MDFIC: variants seen among roughly 807,000 people sequenced by gnomAD.
MDFIC encodes the protein myoD family inhibitor domain-containing protein.
MDFIC carries 17 observed loss-of-function variants against 23.2 expected under a neutral mutation model. The observed-to-expected ratio is 0.73, with a 90% CI of 0.50 to 1.10. MDFIC has a LOEUF of 1.10. MDFIC is among the 50% of genes least tolerant of loss of function. The pLI is 0.00. For missense variants in MDFIC, 356 were observed against 316.6 expected (o/e 1.12, Z -0.95); for synonymous variants, 120 against 115.2 (o/e 1.04, Z -0.27).
intron 3 of MDFIC, among the ~76,000 whole-genome samples, chr7:114,951,854 A>T (rs1792780358): frequency 6.6e-6 from 1 of 152,178 alleles, no homozygotes; most frequent in South Asian, 2.1e-4. Context: ...CAGGTTCTGT[A>T]GGAGATAGAA....
At chr7:115,006,840 A>G (rs374489121) in intron 4 of MDFIC, among the ~76,000 whole-genome samples, 2 of 152,174 alleles carry the variant, frequency 1.3e-5, no homozygotes, top group Admixed American at 1.3e-4. Context: ...CAGAAATTAT[A>G]TTCACCTTTG....
At chr7:114,990,965 A>G (rs1218265077) in intron 4 of MDFIC, among the ~76,000 whole-genome samples, 1 of 151,852 alleles carries the variant, frequency 6.6e-6, no homozygotes, top group Non-Finnish European at 1.5e-5. Flanking sequence ...AGTCCCACCA[A>G]CAGTGTAAAA....
At chr7:114,926,185 C>G (rs534919654) in intron 2 of MDFIC, among the ~76,000 whole-genome samples, 2 of 152,210 alleles carry the variant, frequency 1.3e-5, no homozygotes, top group East Asian at 3.9e-4. Context: ...ATCCAAAGAG[C>G]CTTTGAATTA....
At chr7:114,953,529 C>G (rs182268064) in intron 3 of MDFIC, among the ~76,000 whole-genome samples, 41 of 152,262 alleles carry the variant, frequency 2.7e-4, no homozygotes, top group South Asian at 1.0e-3. Context: ...TATATTAATT[C>G]CCAGGTGTCA....
intron 2 of MDFIC, among the ~76,000 whole-genome samples, chr7:114,931,819 T>C (rs1241241574): frequency 6.6e-6 from 1 of 152,136 alleles, no homozygotes; most frequent in Admixed American, 6.5e-5. Context: ...TTGGTGAGAA[T>C]TATGCCGTGT....
chr7:115,001,538 C>G (rs1791465962), intron 4 of MDFIC, among the ~76,000 whole-genome samples: 2 of 152,084 alleles, frequency 1.3e-5, no homozygotes. Flanking sequence ...GTAGATATCT[C>G]CTAGAAAATG....
chr7:115,015,971 G>A lies in MDFIC; in HGVS notation c.*36G>A. 4 of 1,579,508 alleles carry A rather than the reference G, an allele frequency of 2.5e-6. No individual in the cohort carries two copies. The highest frequency in any genetic ancestry group is 3.4e-6 in the Non-Finnish European group (4 of 1,163,606). ...TTTGTTTGTGTTAAAACTGGAGAGT[G>A]TTTAAAAATTTCCTTTTGGGGGGAA... On this transcript the variant is annotated 3_prime_UTR_variant, in exon 5 of 5. Transcript: ENST00000393486.
intron 3 of MDFIC, among the ~76,000 whole-genome samples, chr7:114,974,137 G>T (rs1388799137): frequency 6.6e-6 from 1 of 151,916 alleles, no homozygotes; most frequent in East Asian, 1.9e-4. Flanking sequence ...AAAAGAGTTG[G>T]GTATTAGGAT....
At chr7:114,931,062 T>A (rs1792299069) in intron 2 of MDFIC, among the ~76,000 whole-genome samples, 1 of 152,066 alleles carries the variant, frequency 6.6e-6, no homozygotes, top group Non-Finnish European at 1.5e-5. Context: ...TCCGTCCCCT[T>A]TTCCTCCTCC....
intron 4 of MDFIC, among the ~76,000 whole-genome samples, chr7:114,980,356 G>T (rs1793396949): frequency 6.6e-6 from 1 of 152,106 alleles, no homozygotes; most frequent in Admixed American, 6.5e-5. Context: ...CCTCACTGTG[G>T]TCTGGTCTTC....
At chr7:114,984,736 T>G (rs900199615) in intron 4 of MDFIC, among the ~76,000 whole-genome samples, 1 of 152,214 alleles carries the variant, frequency 6.6e-6, no homozygotes, top group Non-Finnish European at 1.5e-5. Flanking sequence ...TGCCAAGGGT[T>G]TTCATTAGAC....
At chr7:115,001,789 G>C (rs1295903799) in intron 4 of MDFIC, among the ~76,000 whole-genome samples, 1 of 152,008 alleles carries the variant, frequency 6.6e-6, no homozygotes, top group Non-Finnish European at 1.5e-5. Context: ...ACTGGCTCTT[G>C]AACTCTAATT....
At chr7:114,956,803 A>C (rs1434163061) in intron 3 of MDFIC, among the ~76,000 whole-genome samples, 2 of 152,156 alleles carry the variant, frequency 1.3e-5, no homozygotes, top group Non-Finnish European at 2.9e-5. Context: ...TTTGATTGAA[A>C]ATATTGCCCT....
intron 3 of MDFIC, 126 bp from the exon 4 acceptor site, chr7:114,979,380 G>T: frequency 2.2e-6 from 2 of 911,210 alleles, no homozygotes; most frequent in Non-Finnish European, 1.6e-6. Context: ...TCTTTTCTTT[G>T]TTGCCTCTTC....
chr7:114,962,335 C>T (rs543568399), intron 3 of MDFIC, among the ~76,000 whole-genome samples: 5 of 152,234 alleles, frequency 3.3e-5, no homozygotes, highest in Non-Finnish European at 7.4e-5. Context: ...ATGTAGTAAC[C>T]ACTTGCAATT....
In MDFIC at chr7:114,942,363, T is replaced by C. The variant is rs766061408; in HGVS notation, c.183T>C (p.Ile61=). ...ATGGAGAGATGCAAGACCAGTCCATTTGGGGAAATCCTTCGGATGGTGAAC... is the reference window on the plus strand; with the variant it reads ...ATGGAGAGATGCAAGACCAGTCCATCTGGGGAAATCCTTCGGATGGTGAAC... The part of the protein sequence containing the change: ...FTHGEMQDQS[I]WGNPSDGELI... The change falls in exon 3 of 5, where the codon ATT becomes ATC. Residue 61 remains isoleucine, a synonymous_variant. Coordinates refer to ENST00000393486, the MANE Select transcript of MDFIC (RefSeq NM_001166345.3). 1.0e-5 allele frequency: 16 copies of C among 1,603,886 alleles called. No individual in the cohort carries two copies. Among genetic ancestry groups the C allele is most frequent in the African/African-American group, 2.7e-5 (2 of 74,456 alleles).
At chr7:115,011,339 T>C (rs1337110619) in intron 4 of MDFIC, among the ~76,000 whole-genome samples, 2 of 152,200 alleles carry the variant, frequency 1.3e-5, no homozygotes, top group African/African-American at 2.4e-5. Flanking sequence ...TAGTACAAAG[T>C]AATTTTCTAA....
intron 4 of MDFIC, among the ~76,000 whole-genome samples, chr7:114,981,621 G>A (rs1049802397): frequency 3.9e-5 from 6 of 152,114 alleles, no homozygotes; most frequent in African/African-American, 1.4e-4. Flanking sequence ...TTCCAGATTG[G>A]GTTGGAGACA....
chr7:114,999,424 T>G (rs900620106), intron 4 of MDFIC, among the ~76,000 whole-genome samples: 2 of 151,242 alleles, frequency 1.3e-5, no homozygotes, highest in East Asian at 1.9e-4. Context: ...CTATTTGCTG[T>G]TTTTTTTTAA....
Sources: gnomAD v4.1 joint callset for allele counts (sites outside exome capture counted in the v4.1 genomes callset) on GRCh38, gnomAD v4.1.1 for gene constraint, MANE v1.5 for transcripts, NCBI Gene and HGNC (gene_info 2026-07-23, HGNC 2026-07-21) for gene names.